RUNX1T1: variants seen among roughly 807,000 people sequenced by gnomAD.
The protein encoded by RUNX1T1 is protein CBFA2T1.
In RUNX1T1, 4 loss-of-function variants were observed where a neutral mutation model predicts 62.8. The observed-to-expected ratio is 0.06, with a 90% CI of 0.03 to 0.15. The LOEUF is 0.15. RUNX1T1 is among the 10% of genes least tolerant of loss of function. The pLI, the probability that RUNX1T1 is intolerant of heterozygous loss-of-function variation, is 1.00. For missense variants in RUNX1T1, 508 were observed against 754.3 expected (o/e 0.67, Z 3.82); for synonymous variants, 291 against 286.0 (o/e 1.02, Z -0.18).
At chr8:92,011,195 G>A in intron 3 of RUNX1T1, 104 bp from the exon 5 acceptor site, 2 of 632,512 alleles carry the variant, frequency 3.2e-6, no homozygotes, top group East Asian at 2.7e-5. Flanking sequence ...GTAATAACAA[G>A]CAAACATACT....
At chr8:92,075,716 T>G (rs1587493977) in intron 2 of RUNX1T1, among the ~76,000 whole-genome samples, 1 of 152,214 alleles carries the variant, frequency 6.6e-6, no homozygotes, top group East Asian at 1.9e-4. Flanking sequence ...GTGAAAAAAT[T>G]TGGTACTTGA....
chr8:92,088,385 G>C (rs942045249), intron 1 of RUNX1T1, among the ~76,000 whole-genome samples: 3 of 152,190 alleles, frequency 2.0e-5, no homozygotes, highest in Admixed American at 2.0e-4. Flanking sequence ...GTTAGGGAAA[G>C]GGGTATAGTA....
At position 92,061,525 on chromosome 8, in the gene RUNX1T1, C is replaced by G. The variant is rs555922537; in HGVS notation, c.7+1021G>C. On this transcript the variant is annotated intron_variant, in intron 1 of 10. Transcript: ENST00000396218. ...TACTAATGAAAAAGTGCAATTCTGC[C>G]ACAAATGCATCCTTTCTGCATATAT... 5.8e-4 allele frequency among the ~76,000 whole-genome samples: 88 copies of G among 152,262 alleles called. 2 individuals carry two copies. In the South Asian group the frequency reaches 0.018, roughly 31 times the overall value.
chr8:91,994,246 A>G lies in RUNX1T1; in HGVS notation c.660-2357T>C, dbSNP rs1818251986. The stretch of plus-strand genomic sequence containing the variant: ...CACTGATATCAGACTAAAATATCCA[A>G]TGTAGCTCAGACATTACCTAATTGC... On this transcript the variant is annotated intron_variant, in intron 5 of 10. Coordinates refer to ENST00000396218, the Ensembl canonical transcript of RUNX1T1. 3.9e-5 allele frequency among the ~76,000 whole-genome samples: 6 copies of G among 152,212 alleles called. No homozygotes were observed. In the South Asian group the frequency reaches 1.0e-3, roughly 26 times the overall value.
chr8:92,073,375 C>G (rs946628987), intron 2 of RUNX1T1, among the ~76,000 whole-genome samples: 2 of 152,048 alleles, frequency 1.3e-5, no homozygotes, highest in South Asian at 4.2e-4. Flanking sequence ...ACCCTCCTGC[C>G]CCCCAGCCTC....
chr8:91,975,768 G>GT (rs538757483), intron 9 of RUNX1T1, 137 bp downstream of exon 10: 68 of 627,494 alleles, frequency 1.1e-4, no homozygotes, highest in Admixed American at 1.8e-4. Flanking sequence ...TTGTTTAGTG[G>GT]TTTTTTTTGT....
chr8:91,964,120 G>A (rs925752559), intron 10 of RUNX1T1, among the ~76,000 whole-genome samples: 8 of 152,114 alleles, frequency 5.3e-5, no homozygotes, highest in African/African-American at 1.7e-4. Flanking sequence ...CTAAATACAA[G>A]GCTATATACA....
At chr8:91,958,040 A>G (rs747163755), downstream of RUNX1T1, 51 of 210,142 alleles carry the variant, frequency 2.4e-4, no homozygotes, top group Non-Finnish European at 4.5e-4. Context: ...GATTGCCTCT[A>G]TGCAGATACT....
At chr8:92,068,766 T>C (rs1001653408) in intron 2 of RUNX1T1, among the ~76,000 whole-genome samples, 1 of 152,118 alleles carries the variant, frequency 6.6e-6, no homozygotes, top group Non-Finnish European at 1.5e-5. Flanking sequence ...ATCCTTAAGA[T>C]TTTCAGAGAA....
At chr8:92,002,119 A>G (rs932231565) in intron 5 of RUNX1T1, among the ~76,000 whole-genome samples, 1 of 152,200 alleles carries the variant, frequency 6.6e-6, no homozygotes, top group South Asian at 2.1e-4. Flanking sequence ...TGACGTTTAC[A>G]TATTAACAAA....
chr8:91,958,365 A>C (rs1416978029), downstream of RUNX1T1: 1 of 195,988 alleles, frequency 5.1e-6, no homozygotes, highest in East Asian at 7.6e-5. Flanking sequence ...GATCATTTGG[A>C]AAGTAGTACT....
chr8:91,975,989 G>A lies in RUNX1T1; in HGVS notation c.1199-16C>T, dbSNP rs1813847204. The A allele has an allele frequency of 6.3e-7, 1 of 1,596,030 alleles. No homozygotes were observed. The highest frequency in any genetic ancestry group is 1.1e-5 in the South Asian group (1 of 90,710). ...CGATGCGCGTCTATGAAAAGGATGG[G>A]AAGGGGGTGGAGAGAGGAGGAGAGT... is the stretch of plus-strand genomic sequence containing the variant. On this transcript the variant is annotated splice_polypyrimidine_tract_variant and intron_variant, in intron 8 of 10. Transcript: ENST00000396218.
chr8:91,999,997 A>G (rs183088208), intron 5 of RUNX1T1, among the ~76,000 whole-genome samples: 84 of 152,292 alleles, frequency 5.5e-4, no homozygotes, highest in Non-Finnish European at 1.0e-4. Context: ...CAACTGTGTT[A>G]TCTTTAACAT....
chr8:92,022,996 G>C (rs981007231), intron 1 of RUNX1T1, among the ~76,000 whole-genome samples: 4 of 152,100 alleles, frequency 2.6e-5, no homozygotes, highest in African/African-American at 4.8e-5. Flanking sequence ...CAATCTTTGG[G>C]GGCAAATTCT....
intron 8 of RUNX1T1, among the ~76,000 whole-genome samples, chr8:91,980,999 T>A (rs1260448079): frequency 6.6e-6 from 1 of 152,150 alleles, no homozygotes; most frequent in African/African-American, 2.4e-5. Flanking sequence ...AGAATGCACA[T>A]CTAAATAACA....
chr8:92,102,935 C>A (rs953478837), upstream of RUNX1T1: 42 of 1,505,556 alleles, frequency 2.8e-5, no homozygotes, highest in Non-Finnish European at 3.6e-5. This position sits in a 1 kb window ranked among gnomAD's most constrained non-coding sequence, Gnocchi z 4.5. Context: ...CTCGGCCGGC[C>A]CGCGGGGCGA....
At position 91,970,736 on chromosome 8, in the gene RUNX1T1, C is replaced by T. The variant is rs777945867; in HGVS notation, c.1380G>A (p.Glu460=). 4 of 1,613,884 alleles carry T rather than the reference C, an allele frequency of 2.5e-6. No individual in the cohort carries two copies. In the South Asian group the frequency reaches 4.4e-5, roughly 18 times the overall value. ...GCCGTTTGGCCTCGGCGACCGTGCG[C>T]TCCATCTTGGCCCTCTCTGTTGTGA... The change falls in exon 10 of 11, where the codon GAG becomes GAA. Residue 460 remains glutamate, a synonymous_variant. Transcript: ENST00000396218.
At chr8:92,081,674 T>C (rs1587531789) in intron 1 of RUNX1T1, among the ~76,000 whole-genome samples, 1 of 148,884 alleles carries the variant, frequency 6.7e-6, no homozygotes, top group Non-Finnish European at 1.5e-5. Flanking sequence ...AATTTCCACC[T>C]GGAAAAAAAA....
intron 1 of RUNX1T1, among the ~76,000 whole-genome samples, chr8:92,020,474 A>T (rs1189182790): frequency 1.3e-5 from 2 of 152,122 alleles, no homozygotes; most frequent in Non-Finnish European, 2.9e-5. Context: ...TGTAATTTCC[A>T]TTTTTTAGTT....
Sources: allele counts gnomAD v4.1 joint callset (sites outside exome capture counted in the v4.1 genomes callset), GRCh38; gene constraint gnomAD v4.1.1; non-coding constraint Gnocchi (gnomAD v3.1); transcripts MANE v1.5; gene names NCBI Gene and HGNC (gene_info 2026-07-23, HGNC 2026-07-21).